The following KMT2B variants were observed in gnomAD, a reference collection of about 807,000 sequenced individuals.
KMT2B encodes the protein lysine methyltransferase 2B, also known as histone-lysine N-methyltransferase 2B.
A neutral mutation model predicts 255.3 loss-of-function variants in KMT2B; 22 were observed. The observed-to-expected ratio is 0.09, with a 90% confidence interval of 0.06 to 0.12. The LOEUF is 0.12. Ranked by LOEUF, KMT2B falls within the 10% of genes least tolerant of loss-of-function variation. KMT2B has a pLI of 1.00. For synonymous variants in KMT2B, 1,730 were observed against 1,498.1 expected (o/e 1.15, Z -3.57); for missense variants, 3,149 against 3,737.0 (o/e 0.84, Z 4.10).
chr19:35,719,423 G>T, intron 1 of KMT2B, 46 bp from the exon 2 acceptor site: 2 of 1,371,938 alleles, frequency 1.5e-6, no homozygotes, highest in Non-Finnish European at 1.0e-6. Context: ...CGAGGGCTTT[G>T]GCACTGACTG....
Position 35,732,210 on chromosome 19 carries a change from C to G in KMT2B, c.5666-5C>G, listed in dbSNP as rs61351824. ...CTGCTGGTAACACCAACCCTCCCCC[C>G]ACAGGAAGTCCATCTTCACTGACCC... is the stretch of plus-strand genomic sequence containing the variant. On this transcript the variant is annotated splice_region_variant and splice_polypyrimidine_tract_variant and intron_variant, in intron 27 of 36. Transcript: ENST00000420124. 150,477 of 1,583,674 alleles carry G rather than the reference C, an allele frequency of 0.095. 8,125 individuals are homozygous for G. Among genetic ancestry groups the G allele is most frequent in the Non-Finnish European group, 0.11 (128,604 of 1,161,424 alleles).
chr19:35,721,881 T>G, intron 3 of KMT2B, 77 bp downstream of exon 3: 1 of 1,447,234 alleles, frequency 6.9e-7, no homozygotes, highest in Non-Finnish European at 9.1e-7. Context: ...ACCTTCCGCC[T>G]CCTTGGACAC....
chr19:35,721,380 A>G lies in KMT2B; in HGVS notation c.2033A>G (p.Glu678Gly), dbSNP rs750544690. 1.9e-6 allele frequency: 3 copies of G among 1,603,716 alleles called. No individual in the cohort carries two copies. The highest frequency in any genetic ancestry group is 1.7e-6 in the Non-Finnish European group (2 of 1,176,246). ...PPPLGAPEAPEPEPPPADDSP... is the reference protein window; with the variant it reads ...PPPLGAPEAPGPEPPPADDSP... Reference sequence around the variant, plus strand: ...CCTCTTGGGGCTCCTGAAGCCCCTGAGCCAGAGCCTCCTCCTGCCGATGAC... The same window carrying G: ...CCTCTTGGGGCTCCTGAAGCCCCTGGGCCAGAGCCTCCTCCTGCCGATGAC... Residue 678 changes from glutamate (E) to glycine (G), a missense_variant, in exon 3 of 37, where the codon GAG (glutamate) becomes GGG (glycine). Around this residue, in one of 18 missense-constraint regions of KMT2B, gnomAD observed 1,188 missense variants for 1,106.4 expected, o/e 1.07. Coordinates refer to ENST00000420124, the MANE Select transcript of KMT2B (RefSeq NM_014727.3).
Position 35,720,931 on chromosome 19 carries a change from T to G in KMT2B, c.1584T>G (p.Ile528Met), listed in dbSNP as rs745622279. Residue 528 changes from isoleucine to methionine, a missense_variant, in exon 3 of 37, where the codon ATT (isoleucine) becomes ATG (methionine). Around this residue, in one of 18 missense-constraint regions of KMT2B, gnomAD observed 1,188 missense variants for 1,106.4 expected, o/e 1.07. Transcript: ENST00000420124. ...TTFLKNIRQFIMPVVSARSSR... is the reference protein window; with the variant it reads ...TTFLKNIRQFMMPVVSARSSR... ...TCCTGAAGAATATCCGGCAGTTTAT[T>G]ATGCCTGTGGTGAGTGCCCGCTCCT... is the stretch of plus-strand genomic sequence containing the variant. 1.2e-6 allele frequency: 2 copies of G among 1,611,472 alleles called. No individual in the cohort carries two copies. Among genetic ancestry groups the G allele is most frequent in the Non-Finnish European group, 8.5e-7 (1 of 1,179,082 alleles).
At chr19:35,728,220 C>T (rs768225417) in intron 19 of KMT2B, 49 bp downstream of exon 19, 2 of 1,515,058 alleles carry the variant, frequency 1.3e-6, no homozygotes, top group South Asian at 1.2e-5. Flanking sequence ...GAGGGCAAGG[C>T]CAGGGCATGC....
At chr19:35,736,340 T>TA (rs1969916343) in intron 30 of KMT2B, 1 of 219,862 alleles carries the variant, frequency 4.5e-6, no homozygotes, top group Admixed American at 5.1e-5. Context: ...TCCAGTATTT[T>TA]AAATTTTGTG....
rs1355155207 is a variant in KMT2B, at chr19:35,728,181, G to A, written c.4571+10G>A. Reference sequence around the variant, plus strand: ...GTACCCGGCTGCCAAAGTGAGCAAGGCTGGGTAGCAGAAGGGAAGCCGGGG... The same window carrying A: ...GTACCCGGCTGCCAAAGTGAGCAAGACTGGGTAGCAGAAGGGAAGCCGGGG... On this transcript the variant is annotated intron_variant, in intron 19 of 36. Transcript: ENST00000420124. 2 of 1,581,040 alleles carry A rather than the reference G, an allele frequency of 1.3e-6. No homozygotes were observed. The highest frequency in any genetic ancestry group is 1.7e-6 in the Non-Finnish European group (2 of 1,164,330).
In KMT2B at chr19:35,736,814, A is replaced by G. The variant is rs1969933618; in HGVS notation, c.7284A>G (p.Ala2428=). 6.2e-7 allele frequency: 1 copy of G among 1,613,852 alleles called. No individual in the cohort carries two copies. The highest frequency in any genetic ancestry group is 1.3e-5 in the African/African-American group (1 of 74,924). Residue 2428 remains alanine, a synonymous_variant, in exon 31 of 37, where the codon GCA becomes GCG. Transcript: ENST00000420124. ...ISSEDGFSVE[A]ESLEGAWRTL... ...GTGAGGATGGGTTCAGCGTTGAGGCAGAGAGCTTGGAGGGTGAGTGGGGGG... is the reference window on the plus strand; with the variant it reads ...GTGAGGATGGGTTCAGCGTTGAGGCGGAGAGCTTGGAGGGTGAGTGGGGGG...
Position 35,723,045 on chromosome 19 carries a change from G to A in KMT2B, c.2773G>A (p.Gly925Arg). The A allele has an allele frequency of 1.2e-6, 2 of 1,611,988 alleles. No homozygotes were observed. The highest frequency in any genetic ancestry group is 1.1e-5 in the South Asian group (1 of 91,032). The change falls in exon 6 of 37, where the codon GGA (glycine) becomes AGA (arginine). Residue 925 changes from glycine (G) to arginine (R), a missense_variant. Gly to Arg is a moderately radical substitution (Grantham distance 125, BLOSUM62 -2). Around this residue, in one of 18 missense-constraint regions of KMT2B, gnomAD observed 132 missense variants for 174.7 expected, o/e 0.76. Coordinates refer to ENST00000420124, the MANE Select transcript of KMT2B (RefSeq NM_014727.3). This position sits in a 1 kb window ranked among gnomAD's most constrained non-coding sequence, Gnocchi z 7.5. ...TESVPSRSRRGKVEAAGPGGE... is the reference protein window; with the variant it reads ...TESVPSRSRRRKVEAAGPGGE... The stretch of plus-strand genomic sequence containing the variant: ...GAGTGTCCCGTCACGGTCCCGGCGG[G>A]GAAAGGTGGAGGCAGCAGGCCCTGG...
intron 26 of KMT2B, among the ~76,000 whole-genome samples, chr19:35,731,393 G>A (rs992658168): frequency 4.6e-5 from 7 of 152,180 alleles, no homozygotes; most frequent in African/African-American, 1.7e-4. Context: ...GAAGAGATTT[G>A]GATGGTAGGA....
At position 35,720,000 on chromosome 19, in the gene KMT2B, G is replaced by T; in HGVS notation, c.653G>T (p.Arg218Leu). 1 of 1,613,026 alleles carries T rather than the reference G, an allele frequency of 6.2e-7. No individual in the cohort carries two copies. Residue 218 changes from arginine to leucine, a missense_variant, in exon 3 of 37, where the codon CGG becomes CTG. This residue lies in a region of KMT2B where 1,188 missense variants were observed against 1,106.4 expected (regional missense o/e 1.07). Transcript: ENST00000420124. ...GCATGTGAGCCCTCCACCCCCCGGC[G>T]GTCTCGGGGACGGCCCCCAGGACGG... ...SRACEPSTPRRSRGRPPGRPA... is the reference protein window; with the variant it reads ...SRACEPSTPRLSRGRPPGRPA...
intron 30 of KMT2B, 75 bp from the exon 31 acceptor site, chr19:35,736,615 G>A (rs1969927017): frequency 1.3e-6 from 2 of 1,561,646 alleles, no homozygotes; most frequent in Admixed American, 1.8e-5. Context: ...GGTGTCTGCT[G>A]GGAGCACAGC....
At chr19:35,719,567 T>A in intron 2 of KMT2B, 26 bp downstream of exon 2, 1 of 1,572,756 alleles carries the variant, frequency 6.4e-7, no homozygotes, top group Non-Finnish European at 8.6e-7. Flanking sequence ...ACTCCACCTC[T>A]TTAGCGTCAC....
In KMT2B at chr19:35,724,726, G is replaced by A. The variant is rs1472842676; in HGVS notation, c.3424G>A (p.Asp1142Asn). The A allele has an allele frequency of 1.3e-6, 2 of 1,587,584 alleles. No individual in the cohort carries two copies. Among genetic ancestry groups the A allele is most frequent in the Admixed American group, 1.8e-5 (1 of 56,098 alleles). The part of the protein sequence containing the change: ...VLQLKARRRL[D>N]KDALAPGPFA... ...GCAGCTCAAGGCCCGAAGGCGCCTG[G>A]ACAAGGTCAGCACGGCCCGCTCCGA... Residue 1142 changes from aspartate to asparagine, a missense_variant, in exon 9 of 37, where the codon GAC becomes AAC. Coordinates refer to ENST00000420124, the MANE Select transcript of KMT2B (RefSeq NM_014727.3).
In KMT2B at chr19:35,718,153, A is replaced by G. The variant is rs1176710047; in HGVS notation, c.135A>G (p.Val45=). The G allele has an allele frequency of 1.9e-6, 2 of 1,060,260 alleles. No homozygotes were observed. The highest frequency in any genetic ancestry group is 2.3e-6 in the Non-Finnish European group (2 of 880,176). The allele number at this position is 1,060,260 out of a possible 1,614,324, so 65.7% of individuals were successfully genotyped here. A position where few individuals can be genotyped will look rare whatever the true frequency, so the allele number is the denominator to read the frequency against. Reference sequence around the variant, plus strand: ...GCAACGGGGCCGAAAGAGTGCGGGTAGCTCTGCGGCGCGGCGGTGGCGCGA... The same window carrying G: ...GCAACGGGGCCGAAAGAGTGCGGGTGGCTCTGCGGCGCGGCGGTGGCGCGA... The part of the protein sequence containing the change: ...GRGNGAERVR[V]ALRRGGGATG... The change falls in exon 1 of 37, where the codon GTA becomes GTG. Residue 45 remains valine, a synonymous_variant. Coordinates refer to ENST00000420124, the MANE Select transcript of KMT2B (RefSeq NM_014727.3). The surrounding 1 kb of genome is among the most constrained non-coding windows in gnomAD (Gnocchi z 5.0).
chr19:35,725,926 C>T lies in KMT2B; in HGVS notation c.3885+108C>T, dbSNP rs1221312996. The T allele has an allele frequency of 1.1e-5, 10 of 902,756 alleles. No individual in the cohort carries two copies. Among genetic ancestry groups the T allele is most frequent in the Admixed American group, 4.6e-5 (2 of 43,486 alleles). 55.9% of individuals were successfully genotyped at this position (902,756 alleles called of 1,614,324 possible). A position where few individuals can be genotyped will look rare whatever the true frequency, so the allele number is the denominator to read the frequency against. The stretch of plus-strand genomic sequence containing the variant: ...AGGAGGAGCAGAGGTTGGGGATCCT[C>T]TTAAGAATTGATTAGTAATGTTTCC... On this transcript the variant is annotated intron_variant, in intron 13 of 36. Transcript: ENST00000420124. This position sits in a 1 kb window ranked among gnomAD's most constrained non-coding sequence, Gnocchi z 4.1.
At chr19:35,736,649 G>A (rs777876368) in intron 30 of KMT2B, 41 bp from the exon 31 acceptor site, 37 of 1,607,220 alleles carry the variant, frequency 2.3e-5, no homozygotes, top group African/African-American at 1.3e-4. Context: ...TTTTGAGTCC[G>A]GGAAGGGTGA....
intron 13 of KMT2B, 38 bp from the exon 14 acceptor site, chr19:35,726,198 G>T (rs374840152): frequency 4.6e-6 from 7 of 1,515,232 alleles, no homozygotes; most frequent in Non-Finnish European, 6.4e-6. Context: ...CTCCAGTCCA[G>T]TGCCTGGTTT....
rs1285582819 is a variant in KMT2B at position 35,737,164 on chromosome 19, G to T, written c.7451G>T (p.Arg2484Leu). 1.2e-6 allele frequency: 2 copies of T among 1,608,410 alleles called. No homozygotes were observed. The highest frequency in any genetic ancestry group is 1.1e-5 in the South Asian group (1 of 90,088). The change falls in exon 33 of 37, where the codon CGT becomes CTT. Residue 2484 changes from arginine (R) to leucine (L), a missense_variant. By Grantham distance (102) the Arg-to-Leu change is moderately radical (BLOSUM62 -2). Transcript: ENST00000420124. This position sits in a 1 kb window ranked among gnomAD's most constrained non-coding sequence, Gnocchi z 5.3. ...FLAEQLPGAQ[R>L]CQHYKFRYHQ... ...GCCGAGCAGCTCCCCGGAGCCCAGC[G>T]TTGCCAGCACTATAAGTTCCGTTAC...
Sources: gnomAD v4.1 joint callset for allele counts (sites outside exome capture counted in the v4.1 genomes callset) on GRCh38, gnomAD v4.1.1 for gene constraint, gnomAD v4.1.1 regional missense constraint, Gnocchi (gnomAD v3.1) non-coding constraint, MANE v1.5 for transcripts, NCBI Gene and HGNC (gene_info 2026-07-23, HGNC 2026-07-21) for gene names.